Variants in ECM2 observed in about 807,000 individuals in gnomAD.
The protein encoded by ECM2 is extracellular matrix protein 2, female organ and adipocyte specific.
ECM2 carries 57 observed loss-of-function variants against 67.5 expected under a neutral mutation model. The ratio of observed to expected loss-of-function variants is 0.84; its 90% confidence interval spans 0.68 to 1.05. The LOEUF (loss-of-function observed/expected upper bound fraction) is 1.05. ECM2 is among the 50% of genes least tolerant of loss of function. ECM2 has a pLI of 0.00. For missense variants in ECM2, 741 were observed against 822.8 expected (o/e 0.90, Z 1.22); for synonymous variants, 258 against 294.5 (o/e 0.88, Z 1.27).
chr9:92,510,940 G>A (rs1035605017), intron 5 of ECM2, among the ~76,000 whole-genome samples: 1 of 152,152 alleles, frequency 6.6e-6, no homozygotes, highest in Non-Finnish European at 1.5e-5. Flanking sequence ...GAATAGAAGA[G>A]ACCAGTGATT....
chr9:92,547,402 A>G, the ECM2 span, among the ~76,000 whole-genome samples: 1 of 152,252 alleles, frequency 6.6e-6, no homozygotes, highest in Non-Finnish European at 1.5e-5. Flanking sequence ...GAAACAGCCT[A>G]AATGTTTGTC....
intron 9 of ECM2, 39 bp downstream of exon 9, chr9:92,500,688 C>T (rs1564356538): frequency 6.4e-7 from 1 of 1,567,898 alleles, no homozygotes; most frequent in East Asian, 2.2e-5. Context: ...ATTTTGCCAA[C>T]CAAAATTTAA....
At chr9:92,514,383 T>C (rs1382341779) in intron 4 of ECM2, among the ~76,000 whole-genome samples, 3 of 151,396 alleles carry the variant, frequency 2.0e-5, no homozygotes, top group African/African-American at 7.3e-5. Flanking sequence ...CAAACGATTC[T>C]CCTGCCTCGG....
At chr9:92,533,869 T>G (rs1267977498) in intron 1 of ECM2, among the ~76,000 whole-genome samples, 7 of 152,148 alleles carry the variant, frequency 4.6e-5, no homozygotes. Flanking sequence ...GAAATTTGAC[T>G]TGAATCTGAT....
chr9:92,502,970 G>A (rs1846782265), intron 7 of ECM2, among the ~76,000 whole-genome samples: 1 of 151,722 alleles, frequency 6.6e-6, no homozygotes, highest in Non-Finnish European at 1.5e-5. Context: ...ATGAAGCCTG[G>A]CTAATTTTTG....
chr9:92,550,389 C>T, the ECM2 span, among the ~76,000 whole-genome samples: 1 of 124,390 alleles, frequency 8.0e-6, no homozygotes, highest in Non-Finnish European at 1.6e-5. Flanking sequence ...GAGTGAGACT[C>T]TGTCTCAAAA....
chr9:92,529,256 A>T (rs1588238343), intron 1 of ECM2, among the ~76,000 whole-genome samples: 1 of 152,224 alleles, frequency 6.6e-6, no homozygotes, highest in East Asian at 1.9e-4. Flanking sequence ...TTAAAATGAG[A>T]TGCCTCTACA....
At chr9:92,499,498 TGGA>T (rs2131146699) in intron 9 of ECM2, among the ~76,000 whole-genome samples, 1 of 152,324 alleles carries the variant, frequency 6.6e-6, no homozygotes, top group South Asian at 2.1e-4. Flanking sequence ...GGTTCAATGA[TGGA>T]GGAGTAAATT....
the ECM2 span, among the ~76,000 whole-genome samples, chr9:92,546,460 C>T: frequency 9.2e-5 from 14 of 152,294 alleles, no homozygotes; most frequent in Admixed American, 7.2e-4. Flanking sequence ...CAGCTTCGCT[C>T]CTGAAGCCAG....
the ECM2 span, among the ~76,000 whole-genome samples, chr9:92,552,412 A>G: frequency 3.3e-5 from 5 of 152,198 alleles, no homozygotes; most frequent in Non-Finnish European, 7.4e-5. Flanking sequence ...TCTTTAAGGA[A>G]TCTCTACACT....
At chr9:92,516,071 T>C (rs528311989) in intron 3 of ECM2, among the ~76,000 whole-genome samples, 5 of 140,328 alleles carry the variant, frequency 3.6e-5, no homozygotes, top group Admixed American at 1.4e-4. Flanking sequence ...ATACTTTTTT[T>C]TCCCCCCCCC....
chr9:92,508,463 C>T (rs1187847612), intron 6 of ECM2, among the ~76,000 whole-genome samples: 1 of 152,172 alleles, frequency 6.6e-6, no homozygotes, highest in East Asian at 1.9e-4. Context: ...TGTGAAAGCA[C>T]GTTCACAATC....
chr9:92,546,456 C>T, the ECM2 span, among the ~76,000 whole-genome samples: 10 of 152,166 alleles, frequency 6.6e-5, no homozygotes, highest in African/African-American at 1.4e-4. Context: ...TCTGCAGCTT[C>T]GCTCCTGAAG....
At chr9:92,557,534 C>T in the ECM2 span, among the ~76,000 whole-genome samples, 1 of 152,172 alleles carries the variant, frequency 6.6e-6, no homozygotes, top group Non-Finnish European at 1.5e-5. Context: ...TCTTTTTTCT[C>T]TGTCTTTGTT....
intron 2 of ECM2, among the ~76,000 whole-genome samples, chr9:92,518,221 T>C (rs1276914557): frequency 6.6e-6 from 1 of 152,234 alleles, no homozygotes; most frequent in Non-Finnish European, 1.5e-5. Flanking sequence ...TTGTGTCTAA[T>C]GTGGGGACAC....
At chr9:92,494,245 A>G, downstream of ECM2, 5 of 1,226,126 alleles carry the variant, frequency 4.1e-6, no homozygotes, top group Non-Finnish European at 5.7e-6. Context: ...CACCTTATTC[A>G]GTTTGAGCCC....
rs144093801 is a variant in ECM2 at position 92,509,906 on chromosome 9, A to G, written c.1299T>C (p.Ser433=). 5.6e-6 allele frequency: 9 copies of G among 1,604,194 alleles called. No homozygotes were observed. The highest frequency in any genetic ancestry group is 7.6e-6 in the Non-Finnish European group (9 of 1,178,072). Residue 433 remains serine (S), a synonymous_variant, in exon 6 of 10, where the codon AGT becomes AGC. Coordinates refer to ENST00000344604, the MANE Select transcript of ECM2 (RefSeq NM_001393.4). ...ENNLQAIDEE[S]LSDLNQLVTL... ...AAAACAAATATTAAATACCTGATAA[A>G]CTTTCTTCATCGATAGCCTGAAGAT...
At chr9:92,558,590 A>C in the ECM2 span, among the ~76,000 whole-genome samples, 2 of 151,956 alleles carry the variant, frequency 1.3e-5, no homozygotes, top group Admixed American at 1.3e-4. Context: ...TTGGTGATTT[A>C]ATTATCTATT....
downstream of ECM2, chr9:92,494,273 G>C (rs528597147): frequency 3.2e-4 from 268 of 840,028 alleles, 1 homozygote; most frequent in Non-Finnish European, 4.3e-4. Context: ...TACTAATTTT[G>C]TTTACAGCTT....
Sources: allele counts gnomAD v4.1 joint callset (sites outside exome capture counted in the v4.1 genomes callset), GRCh38; gene constraint gnomAD v4.1.1; transcripts MANE v1.5; gene names NCBI Gene and HGNC (gene_info 2026-07-23, HGNC 2026-07-21).